TMEM135: variants seen among roughly 807,000 people sequenced by gnomAD.
TMEM135 encodes transmembrane protein 135, also known as peroxisomal membrane protein 52.
TMEM135 carries 30 observed loss-of-function variants against 60.3 expected under a neutral mutation model. The observed-to-expected ratio is 0.50, with a 90% CI of 0.37 to 0.68. The LOEUF is 0.68. Ranked by LOEUF, TMEM135 falls within the 30% of genes least tolerant of loss-of-function variation. The pLI is 0.00. For synonymous variants in TMEM135, 190 were observed against 186.7 expected (o/e 1.02, Z -0.14); for missense variants, 468 against 548.8 (o/e 0.85, Z 1.47).
intron 4 of TMEM135, among the ~76,000 whole-genome samples, chr11:87,098,581 TAA>T (rs1183438782): frequency 1.3e-5 from 2 of 150,356 alleles, no homozygotes; most frequent in African/African-American, 5.0e-5. Context: ...TTTAAAATGA[TAA>T]ACTTAAATTA....
At chr11:87,165,658 T>A (rs980022722) in intron 5 of TMEM135, among the ~76,000 whole-genome samples, 5 of 151,282 alleles carry the variant, frequency 3.3e-5, no homozygotes, top group Non-Finnish European at 7.4e-5. Context: ...CAGCTGTGAA[T>A]CCATCTGGTC....
intron 4 of TMEM135, among the ~76,000 whole-genome samples, chr11:87,093,859 G>A (rs1857264356): frequency 6.6e-6 from 1 of 151,978 alleles, no homozygotes; most frequent in Admixed American, 6.6e-5. Flanking sequence ...TGCTGAACCT[G>A]TCCAGTAAAA....
chr11:87,117,314 A>G (rs139570370), intron 4 of TMEM135, among the ~76,000 whole-genome samples: 18 of 152,298 alleles, frequency 1.2e-4, no homozygotes, highest in African/African-American at 2.4e-4. Flanking sequence ...TAAGACAACA[A>G]TGAAATTTGC....
At chr11:87,045,795 A>G (rs956206845) in intron 1 of TMEM135, among the ~76,000 whole-genome samples, 1 of 152,216 alleles carries the variant, frequency 6.6e-6, no homozygotes, top group Admixed American at 6.5e-5. Context: ...GATGAAATAT[A>G]TGGTGAAGGG....
intron 5 of TMEM135, among the ~76,000 whole-genome samples, chr11:87,159,619 C>CCCCCCCA (rs4014715): frequency 1.2e-5 from 1 of 85,518 alleles, no homozygotes; most frequent in African/African-American, 4.5e-5. Flanking sequence ...ACACACACAC[C>CCCCCCCA]ATAGATTTTC....
At chr11:87,243,811 CT>C (rs1351107742) in intron 6 of TMEM135, among the ~76,000 whole-genome samples, 5 of 84,286 alleles carry the variant, frequency 5.9e-5, no homozygotes, top group South Asian at 3.9e-4. Flanking sequence ...GACAATTTGA[CT>C]TCCTCTTTTC....
intron 5 of TMEM135, among the ~76,000 whole-genome samples, chr11:87,201,618 T>C (rs771519906): frequency 1.1e-4 from 17 of 152,198 alleles, no homozygotes; most frequent in Admixed American, 2.0e-4. Flanking sequence ...AATTTTATCA[T>C]ATGATGGCAG....
chr11:87,302,034 G>A (rs1355643166), intron 7 of TMEM135, among the ~76,000 whole-genome samples: 1 of 152,110 alleles, frequency 6.6e-6, no homozygotes, highest in East Asian at 1.9e-4. Context: ...TTCATTAAGT[G>A]TTGTGCTGTA....
chr11:87,290,381 A>C (rs1942243089), intron 6 of TMEM135, among the ~76,000 whole-genome samples: 1 of 152,194 alleles, frequency 6.6e-6, no homozygotes, highest in South Asian at 2.1e-4. Flanking sequence ...AAGATTAGTA[A>C]CATTTTTGCA....
chr11:87,211,859 G>T (rs2135343887), intron 5 of TMEM135, among the ~76,000 whole-genome samples: 2 of 152,142 alleles, frequency 1.3e-5, no homozygotes, highest in Admixed American at 1.3e-4. Flanking sequence ...CAGGAGAATG[G>T]CGTGAACCCG....
chr11:87,082,527 G>A (rs1379958678), intron 3 of TMEM135, among the ~76,000 whole-genome samples: 1 of 152,110 alleles, frequency 6.6e-6, no homozygotes, highest in Non-Finnish European at 1.5e-5. Context: ...ATATGCTGGT[G>A]GAAATAGCCA....
chr11:87,125,366 G>A (rs563019), intron 4 of TMEM135, among the ~76,000 whole-genome samples: 72,402 of 151,984 alleles, frequency 0.48, 17,545 homozygotes, highest in East Asian at 0.67. Flanking sequence ...TTGTGGGGGA[G>A]TAGAGGTGCT....
Position 87,301,435 on chromosome 11 carries a change from G to A in TMEM135, c.552-861G>A, listed in dbSNP as rs191136962. 3.8e-4 allele frequency among the ~76,000 whole-genome samples: 58 copies of A among 152,014 alleles called. No homozygotes were observed. In the East Asian group the frequency reaches 0.011, roughly 29 times the overall value. ...TGCCCAGCTGATTTTTAATTTTTTT[G>A]TTAAGGTGGGGTCTCACTTTGGTGA... On this transcript the variant is annotated intron_variant, in intron 7 of 14. Transcript: ENST00000305494.
intron 6 of TMEM135, among the ~76,000 whole-genome samples, chr11:87,278,432 T>C (rs555387067): frequency 6.6e-6 from 1 of 151,774 alleles, no homozygotes; most frequent in South Asian, 2.1e-4. Flanking sequence ...GCTGCACGAT[T>C]TTTGCTCACT....
chr11:87,220,844 G>A (rs1269530229), intron 5 of TMEM135, among the ~76,000 whole-genome samples: 4 of 152,114 alleles, frequency 2.6e-5, no homozygotes, highest in African/African-American at 9.7e-5. Context: ...TGTCCAATAT[G>A]TCTATATGTT....
chr11:87,207,631 A>G (rs1325875201), intron 5 of TMEM135, among the ~76,000 whole-genome samples: 1 of 152,250 alleles, frequency 6.6e-6, no homozygotes, highest in Non-Finnish European at 1.5e-5. Context: ...TTCTCAAAAC[A>G]GCCGTACAAG....
intron 4 of TMEM135, among the ~76,000 whole-genome samples, chr11:87,114,827 T>C (rs2512337): frequency 0.41 from 62,241 of 151,966 alleles, 13,939 homozygotes; most frequent in East Asian, 0.66. Context: ...TTGGAAATAA[T>C]TGTACACACT....
At position 87,323,980 on chromosome 11, in the gene TMEM135, T is replaced by A. The variant is rs374254506; in HGVS notation, c.*2647T>A. 1 of 453,772 alleles carries A rather than the reference T, an allele frequency of 2.2e-6. No individual in the cohort carries two copies. Among genetic ancestry groups the A allele is most frequent in the East Asian group, 6.9e-5 (1 of 14,410 alleles). 28.1% of individuals were successfully genotyped at this position (453,772 alleles called of 1,614,324 possible). A position where few individuals can be genotyped will look rare whatever the true frequency, so the allele number is the denominator to read the frequency against. On this transcript the variant is annotated 3_prime_UTR_variant, in exon 15 of 15. Transcript: ENST00000305494. Reference sequence around the variant, plus strand: ...TCATTCGTTGTTTAGTCAGTTGTTATTTAATTTAGAATTTTATATTTTTTT... The same window carrying A: ...TCATTCGTTGTTTAGTCAGTTGTTAATTAATTTAGAATTTTATATTTTTTT...
At chr11:87,190,082 C>G (rs1211405168) in intron 5 of TMEM135, among the ~76,000 whole-genome samples, 1 of 152,164 alleles carries the variant, frequency 6.6e-6, no homozygotes, top group East Asian at 1.9e-4. Flanking sequence ...AATCTGATTT[C>G]TAAGAGAACT....
Sources: allele counts gnomAD v4.1 joint callset (sites outside exome capture counted in the v4.1 genomes callset), GRCh38; gene constraint gnomAD v4.1.1; transcripts MANE v1.5; gene names NCBI Gene and HGNC (gene_info 2026-07-23, HGNC 2026-07-21).